Variants in GARNL3 observed in about 807,000 individuals in gnomAD.
The protein encoded by GARNL3 is GTPase-activating Rap/Ran-GAP domain-like protein 3.
In GARNL3, 63 loss-of-function variants were observed where a neutral mutation model predicts 125.0. That is an observed-to-expected ratio of 0.50 (90% CI 0.41 to 0.62). The LOEUF is 0.62. Among genes scored for constraint, GARNL3 ranks in the 20% least tolerant of loss-of-function variants. The pLI, the probability that GARNL3 is intolerant of heterozygous loss-of-function variation, is 0.00. For synonymous variants in GARNL3, 439 were observed against 457.5 expected (o/e 0.96, Z 0.52); for missense variants, 994 against 1,244.0 (o/e 0.80, Z 3.02).
At chr9:127,293,717 A>G (rs903225738) in intron 2 of GARNL3, among the ~76,000 whole-genome samples, 1 of 151,850 alleles carries the variant, frequency 6.6e-6, no homozygotes, top group Non-Finnish European at 1.5e-5. Flanking sequence ...TCCTCATGTA[A>G]TGTGCTTCTG....
At chr9:127,269,835 G>T (rs1487456963) in intron 1 of GARNL3, among the ~76,000 whole-genome samples, 26 of 124,284 alleles carry the variant, frequency 2.1e-4, no homozygotes, top group Admixed American at 1.9e-3. Context: ...TTTATATTCT[G>T]GTTATTTGTC....
At chr9:127,345,586 T>C in intron 16 of GARNL3, 109 bp downstream of exon 16, 1 of 676,552 alleles carries the variant, frequency 1.5e-6, no homozygotes, top group Non-Finnish European at 2.5e-6. Flanking sequence ...AGAGCATGTC[T>C]ACTGCAGAGT....
At chr9:127,284,773 T>G (rs552145391) in intron 1 of GARNL3, among the ~76,000 whole-genome samples, 1 of 151,484 alleles carries the variant, frequency 6.6e-6, no homozygotes, top group Non-Finnish European at 1.5e-5. Flanking sequence ...ATAAATAAAT[T>G]TATACATGCA....
intron 1 of GARNL3, among the ~76,000 whole-genome samples, chr9:127,236,984 G>T (rs1240374543): frequency 1.3e-5 from 2 of 152,140 alleles, no homozygotes; most frequent in Non-Finnish European, 2.9e-5. Flanking sequence ...ACTAAAAAAG[G>T]CATATCAGTT....
intron 24 of GARNL3, 45 bp from the exon 25 acceptor site, chr9:127,387,148 C>A: frequency 6.3e-7 from 1 of 1,588,630 alleles, no homozygotes. Context: ...GGATGCAAGG[C>A]CTAGAACACC....
intron 1 of GARNL3, among the ~76,000 whole-genome samples, chr9:127,279,140 G>T (rs1026589998): frequency 6.6e-6 from 1 of 152,016 alleles, no homozygotes; most frequent in African/African-American, 2.4e-5. Flanking sequence ...ATCTGAGCCA[G>T]TTCCAATTCA....
chr9:127,292,273 T>C (rs904187556), intron 2 of GARNL3, among the ~76,000 whole-genome samples: 2 of 152,132 alleles, frequency 1.3e-5, no homozygotes, highest in Non-Finnish European at 2.9e-5. Context: ...CCCACATACT[T>C]CTTGTTCAGA....
In GARNL3 at chr9:127,345,471, A is replaced by C. The variant is rs144944831; in HGVS notation, c.1425A>C (p.Lys475Asn). 1 of 1,591,850 alleles carries C rather than the reference A, an allele frequency of 6.3e-7. No homozygotes were observed. The highest frequency in any genetic ancestry group is 1.7e-5 in the Admixed American group (1 of 57,444). Residue 475 changes from lysine (K) to asparagine (N), a missense_variant, in exon 16 of 28, where the codon AAA becomes AAC. By Grantham distance (94) the Lys-to-Asn change is moderately conservative (BLOSUM62 0). Around this residue, in one of 5 missense-constraint regions of GARNL3, gnomAD observed 728 missense variants for 865.7 expected, o/e 0.84. Coordinates refer to ENST00000373387, the MANE Select transcript of GARNL3 (RefSeq NM_032293.5). ...GCTTGGCAGCTTCAGGGATCTGTAA[A>C]AAAGAGGTGAGTTCATGATACTTTC... ...PSSLAASGIC[K>N]KEPWEPQCFC...
chr9:127,224,880 G>C (rs1296095723), intron 1 of GARNL3, among the ~76,000 whole-genome samples: 1 of 136,626 alleles, frequency 7.3e-6, no homozygotes, highest in Non-Finnish European at 1.6e-5. Context: ...CGCGGGGCTG[G>C]CGCGGGAGGG....
In GARNL3 at chr9:127,236,888, C is replaced by T. The variant is rs572062479; in HGVS notation, c.-28-6191C>T. On this transcript the variant is annotated intron_variant, in intron 1 of 10. Coordinates refer to the GARNL3 transcript ENST00000439286. The stretch of plus-strand genomic sequence containing the variant: ...TGCCCACTGGAGGTTATCCATTACT[C>T]CTGCCAGAAGAAGAAATTTGTGCCC... 2.6e-4 allele frequency among the ~76,000 whole-genome samples: 39 copies of T among 152,282 alleles called. 1 individual carries two copies. The Middle Eastern group carries it at 0.014, about 53-fold the overall frequency.
intron 4 of GARNL3, among the ~76,000 whole-genome samples, chr9:127,315,834 A>G (rs542860723): frequency 2.6e-5 from 4 of 152,310 alleles, no homozygotes; most frequent in South Asian, 4.1e-4. Flanking sequence ...AAAGAATCCA[A>G]CTACTCAGAG....
intron 13 of GARNL3, among the ~76,000 whole-genome samples, chr9:127,340,031 A>G (rs1170624512): frequency 6.6e-6 from 1 of 152,056 alleles, no homozygotes; most frequent in Non-Finnish European, 1.5e-5. Context: ...CTGTGTTCTG[A>G]TAGAGCCATT....
At chr9:127,333,617 A>T (rs542468663) in intron 9 of GARNL3, among the ~76,000 whole-genome samples, 1 of 152,154 alleles carries the variant, frequency 6.6e-6, no homozygotes, top group East Asian at 1.9e-4. Context: ...GGCCAGAGGG[A>T]GGGGCGAGTC....
chr9:127,383,933 G>A (rs1459113282), intron 23 of GARNL3, among the ~76,000 whole-genome samples: 3 of 152,136 alleles, frequency 2.0e-5, no homozygotes, highest in African/African-American at 7.2e-5. Flanking sequence ...GTGCTTTCAG[G>A]GCCATTGGTA....
At chr9:127,309,350 G>A (rs2065037194) in intron 2 of GARNL3, among the ~76,000 whole-genome samples, 1 of 152,148 alleles carries the variant, frequency 6.6e-6, no homozygotes, top group Admixed American at 6.5e-5. Context: ...ATCTCATAAG[G>A]TTGATGGGTG....
At position 127,332,949 on chromosome 9, in the gene GARNL3, G is replaced by A. The variant is rs905182801; in HGVS notation, c.671-74G>A. ...GGCAGAGCCCAGTTAATTTTCCAGC[G>A]ATTCCGGTCCATAGTTAGAAAATGA... On this transcript the variant is annotated intron_variant, in intron 8 of 27. Transcript: ENST00000373387. 4.9e-5 allele frequency: 50 copies of A among 1,025,656 alleles called. No individual in the cohort carries two copies. The Middle Eastern group carries it at 1.0e-3, about 21-fold the overall frequency. 63.5% of individuals were successfully genotyped at this position (1,025,656 alleles called of 1,614,324 possible).
At chr9:127,243,232 A>G in exon 2 of GARNL3, 1 of 1,366,630 alleles carries the variant, frequency 7.3e-7, no homozygotes, top group South Asian at 1.1e-5. Context: ...ACCCTGAACT[A>G]GAGTCCCAGG....
intron 22 of GARNL3, among the ~76,000 whole-genome samples, chr9:127,382,720 G>T (rs1243983177): frequency 6.6e-6 from 1 of 152,162 alleles, no homozygotes; most frequent in South Asian, 2.1e-4. Context: ...TCTGAACCAC[G>T]TGGACTTGTG....
rs1188671984 is a variant in GARNL3 at position 127,280,299 on chromosome 9, T to A, written c.145-10869T>A. ...GGCACTTGGTTTATGAGGACCACAT[T>A]CTCTAAGATGGACTCACTCTCCCTC... On this transcript the variant is annotated intron_variant, in intron 1 of 27. Coordinates refer to ENST00000373387, the MANE Select transcript of GARNL3 (RefSeq NM_032293.5). The surrounding 1 kb of genome is among the most constrained non-coding windows in gnomAD (Gnocchi z 4.5). Among the ~76,000 whole-genome samples, 1 of 152,136 alleles carries A rather than the reference T, an allele frequency of 6.6e-6. No individual in the cohort carries two copies. The highest frequency in any genetic ancestry group is 1.5e-5 in the Non-Finnish European group (1 of 68,018).
Sources: allele counts gnomAD v4.1 joint callset (sites outside exome capture counted in the v4.1 genomes callset), GRCh38; gene constraint gnomAD v4.1.1; regional missense constraint gnomAD v4.1.1; non-coding constraint Gnocchi (gnomAD v3.1); transcripts MANE v1.5; gene names NCBI Gene and HGNC (gene_info 2026-07-23, HGNC 2026-07-21).